Variants in BCKDHB observed in about 807,000 individuals in gnomAD.
BCKDHB encodes branched chain keto acid dehydrogenase E1 subunit beta, also known as 2-oxoisovalerate dehydrogenase subunit beta, mitochondrial.
Under a neutral mutation model 48.5 loss-of-function variants are expected in BCKDHB, and 41 were observed. The ratio of observed to expected loss-of-function variants is 0.85; its 90% confidence interval spans 0.66 to 1.10. The LOEUF (loss-of-function observed/expected upper bound fraction) is 1.10. Among genes scored for constraint, BCKDHB ranks in the 50% least tolerant of loss-of-function variants. The probability of loss-of-function intolerance (pLI) is 0.00; values close to 1 mark genes in which losing one functional copy is unlikely to be tolerated. For synonymous variants in BCKDHB, 201 were observed against 174.8 expected (o/e 1.15, Z -1.18); for missense variants, 496 against 494.2 (o/e 1.00, Z -0.03).
At chr6:80,357,014 A>G in the BCKDHB span, among the ~76,000 whole-genome samples, 3 of 146,522 alleles carry the variant, frequency 2.0e-5, no homozygotes, top group Middle Eastern at 3.3e-3. Flanking sequence ...TTCACCTACA[A>G]TAATATACTA....
chr6:80,230,656 T>C (rs1396326769), intron 8 of BCKDHB, among the ~76,000 whole-genome samples: 1 of 152,228 alleles, frequency 6.6e-6, no homozygotes, highest in Non-Finnish European at 1.5e-5. Flanking sequence ...CTGGGTAGTT[T>C]ACAAAGCATG....
At chr6:80,414,318 A>G in the BCKDHB span, among the ~76,000 whole-genome samples, 6 of 151,924 alleles carry the variant, frequency 3.9e-5, no homozygotes, top group African/African-American at 9.7e-5. Context: ...CCATTTGTCA[A>G]TTTTGGCTTT....
intron 9 of BCKDHB, among the ~76,000 whole-genome samples, chr6:80,322,287 G>A (rs1415637207): frequency 1.5e-5 from 2 of 137,794 alleles, no homozygotes; most frequent in Non-Finnish European, 3.0e-5. Context: ...TGCCCAGGCT[G>A]GAGTGCAATG....
At chr6:80,357,366 G>A in the BCKDHB span, among the ~76,000 whole-genome samples, 1 of 152,118 alleles carries the variant, frequency 6.6e-6, no homozygotes, top group Non-Finnish European at 1.5e-5. Flanking sequence ...AGAATGGAGA[G>A]GGGAGTATAT....
At chr6:80,375,688 G>C in the BCKDHB span, among the ~76,000 whole-genome samples, 76 of 152,028 alleles carry the variant, frequency 5.0e-4, no homozygotes, top group African/African-American at 1.8e-3. Context: ...ATCTATTGCT[G>C]GTGAGCTAGT....
rs140483457 is a variant in BCKDHB at position 80,312,702 on chromosome 6, TGTTA to T, written c.1039-30958_1039-30955del. Among the ~76,000 whole-genome samples, 458 of 152,288 alleles carry T rather than the reference TGTTA, an allele frequency of 3.0e-3. 1 individual carries two copies. Among genetic ancestry groups the T allele is most frequent in the African/African-American group, 0.011 (442 of 41,566 alleles). On this transcript the variant is annotated intron_variant, in intron 9 of 9. Transcript: ENST00000320393. Reference sequence around the variant, plus strand: ...ATTGAGATAATCATGTGGTTTTTGTTGTTAGTTCTGTTTTTGCCCTGAATCACAT... The same window carrying T: ...ATTGAGATAATCATGTGGTTTTTGTTGTTCTGTTTTTGCCCTGAATCACAT...
chr6:80,394,039 T>C, the BCKDHB span, among the ~76,000 whole-genome samples: 1 of 152,342 alleles, frequency 6.6e-6, no homozygotes, highest in African/African-American at 2.4e-5. Flanking sequence ...CATTTACTTA[T>C]AGAATCCAGT....
chr6:80,264,296 C>T lies in BCKDHB; in HGVS notation c.952-8839C>T, dbSNP rs147178453. Among the ~76,000 whole-genome samples the T allele has an allele frequency of 4.6e-5, 7 of 152,168 alleles. No homozygotes were observed. In the East Asian group the frequency reaches 1.4e-3, roughly 29 times the overall value. On this transcript the variant is annotated intron_variant, in intron 8 of 9. Coordinates refer to ENST00000320393, the MANE Select transcript of BCKDHB (RefSeq NM_183050.4). ...AAATTGTTTTAATATGAACTGATGACCTTTGGAATTTATACAACATTAAAA... is the reference window on the plus strand; with the variant it reads ...AAATTGTTTTAATATGAACTGATGATCTTTGGAATTTATACAACATTAAAA...
chr6:80,427,450 C>T, the BCKDHB span, among the ~76,000 whole-genome samples: 6 of 152,140 alleles, frequency 3.9e-5, no homozygotes, highest in Middle Eastern at 3.5e-3. Context: ...AGATACATTG[C>T]TATTATTTTT....
chr6:80,285,881 T>G (rs1258228218), intron 9 of BCKDHB, among the ~76,000 whole-genome samples: 1 of 152,140 alleles, frequency 6.6e-6, no homozygotes, highest in Non-Finnish European at 1.5e-5. Context: ...TGAAATTGCT[T>G]AATACCATTC....
chr6:80,121,495 C>T (rs1770015565), intron 1 of BCKDHB, among the ~76,000 whole-genome samples: 2 of 152,210 alleles, frequency 1.3e-5, no homozygotes, highest in African/African-American at 4.8e-5. Context: ...TATCCATGAG[C>T]ATGGAATATT....
chr6:80,178,187 A>G (rs1332661688), intron 6 of BCKDHB, among the ~76,000 whole-genome samples: 4 of 152,142 alleles, frequency 2.6e-5, no homozygotes, highest in Admixed American at 1.3e-4. Context: ...GTCAGAGTTT[A>G]ACTTTCTATG....
intron 8 of BCKDHB, among the ~76,000 whole-genome samples, chr6:80,235,825 A>G (rs578232441): frequency 7.2e-5 from 11 of 152,304 alleles, no homozygotes; most frequent in Admixed American, 2.0e-4. Flanking sequence ...CAACAGGACA[A>G]TGGTCAGTCA....
chr6:80,343,491 G>T, intron 9 of BCKDHB, 173 bp from the exon 10 acceptor site: 1 of 692,220 alleles, frequency 1.4e-6, no homozygotes, highest in Non-Finnish European at 2.4e-6. Context: ...AATAAAACTG[G>T]GATCATGCGA....
chr6:80,227,882 A>C (rs928203117), intron 8 of BCKDHB, among the ~76,000 whole-genome samples: 2 of 152,188 alleles, frequency 1.3e-5, no homozygotes, highest in Non-Finnish European at 2.9e-5. Context: ...CCTGTGAGCC[A>C]TAGAAAGAAC....
chr6:80,128,180 T>C (rs1298949291), intron 2 of BCKDHB, among the ~76,000 whole-genome samples: 3 of 152,022 alleles, frequency 2.0e-5, no homozygotes, highest in Non-Finnish European at 4.4e-5. Flanking sequence ...TATATCTATA[T>C]ATACAGTTTA....
chr6:80,312,366 T>C (rs1185209100), intron 9 of BCKDHB, among the ~76,000 whole-genome samples: 2 of 152,238 alleles, frequency 1.3e-5, no homozygotes, highest in African/African-American at 2.4e-5. Context: ...TTATGTCATC[T>C]GCAAACAAAG....
chr6:80,339,955 T>C (rs1055681585), intron 9 of BCKDHB, among the ~76,000 whole-genome samples: 2 of 152,198 alleles, frequency 1.3e-5, no homozygotes, highest in African/African-American at 4.8e-5. Context: ...GCTGTGTATG[T>C]AGCGATTTGA....
At chr6:80,286,349 G>T (rs1766626589) in intron 9 of BCKDHB, among the ~76,000 whole-genome samples, 1 of 152,130 alleles carries the variant, frequency 6.6e-6, no homozygotes, top group African/African-American at 2.4e-5. Context: ...GAAGAGATTT[G>T]CTAAGTACTT....
Sources: gnomAD v4.1 joint callset for allele counts (sites outside exome capture counted in the v4.1 genomes callset) on GRCh38, gnomAD v4.1.1 for gene constraint, MANE v1.5 for transcripts, NCBI Gene and HGNC (gene_info 2026-07-23, HGNC 2026-07-21) for gene names.